Variants in SRRM2 observed in about 807,000 individuals in gnomAD.
The protein encoded by SRRM2 is serine/arginine repetitive matrix 2.
Under a neutral mutation model 213.8 loss-of-function variants are expected in SRRM2, and 30 were observed. The ratio of observed to expected loss-of-function variants is 0.14; its 90% CI spans 0.10 to 0.19. The LOEUF (loss-of-function observed/expected upper bound fraction) is 0.19, where lower values mean the gene tolerates loss of function less well. Ranked by LOEUF, SRRM2 falls within the 10% of genes least tolerant of loss-of-function variation. The pLI is 1.00. For synonymous variants in SRRM2, 2,025 were observed against 1,377.7 expected (o/e 1.47, Z -10.40); for missense variants, 4,904 against 3,647.0 (o/e 1.34, Z -8.88).
In SRRM2 at chr16:2,752,683, T is replaced by C. The variant is rs2240146; in HGVS notation, c.-195T>C. On this transcript the variant is annotated 5_prime_UTR_variant, in exon 1 of 15. Coordinates refer to ENST00000301740, the MANE Select transcript of SRRM2 (RefSeq NM_016333.4). Reference sequence around the variant, plus strand: ...CCAGGCGGGGTGCGAGTGGCGCAGTTGGAGCCCGTTGCGGCCCCTGAGGAA... The same window carrying C: ...CCAGGCGGGGTGCGAGTGGCGCAGTCGGAGCCCGTTGCGGCCCCTGAGGAA... 292,793 of 307,484 alleles carry C rather than the reference T, an allele frequency of 0.95. 140,339 individuals carry two copies. The highest frequency in any genetic ancestry group is 0.99 in the Admixed American group (20,291 of 20,520). The allele number at this position is 307,484 out of a possible 1,614,324, so 19.0% of individuals were successfully genotyped here. A position where few individuals can be genotyped will look rare whatever the true frequency, so the allele number is the denominator to read the frequency against.
Position 2,765,749 on chromosome 16 carries a change from T to C in SRRM2, c.5221T>C (p.Ser1741Pro). The C allele has an allele frequency of 6.2e-7, 1 of 1,613,890 alleles. No homozygotes were observed. Among genetic ancestry groups the C allele is most frequent in the South Asian group, 1.1e-5 (1 of 91,068 alleles). The change falls in exon 11 of 15, where the codon TCT becomes CCT. Residue 1741 changes from serine to proline, a missense_variant. Physicochemically the swap from Ser to Pro is moderately conservative, Grantham distance 74. Coordinates refer to ENST00000301740, the MANE Select transcript of SRRM2 (RefSeq NM_016333.4). ...CCCGGAGCCAGCCGAAAAATCGAGG[T>C]CTTCACGCCGACGGCGCTCAGCTTC... ...SSPEPAEKSR[S>P]SRRRRSASSP...
Position 2,765,755 on chromosome 16 carries a change from C to T in SRRM2, c.5227C>T (p.Arg1743Cys), listed in dbSNP as rs556006940. ...PEPAEKSRSS[R>C]RRRSASSPRT... ...GCCAGCCGAAAAATCGAGGTCTTCACGCCGACGGCGCTCAGCTTCATCTCC... is the reference window on the plus strand; with the variant it reads ...GCCAGCCGAAAAATCGAGGTCTTCATGCCGACGGCGCTCAGCTTCATCTCC... The change falls in exon 11 of 15, where the codon CGC becomes TGC. Residue 1743 changes from arginine to cysteine, a missense_variant. Transcript: ENST00000301740. 5.5e-5 allele frequency: 88 copies of T among 1,614,100 alleles called. No homozygotes were observed. The highest frequency in any genetic ancestry group is 6.8e-5 in the Non-Finnish European group (80 of 1,180,038).
chr16:2,770,136 CTT>C (rs1268325995), intron 12 of SRRM2: 3 of 1,427,802 alleles, frequency 2.1e-6, no homozygotes, highest in South Asian at 3.0e-5. Flanking sequence ...CAGGGACTGT[CTT>C]TATCTTTGCA....
intron 11 of SRRM2, 110 bp from the exon 12 acceptor site, chr16:2,768,887 C>A: frequency 6.4e-7 from 1 of 1,553,028 alleles, no homozygotes; most frequent in Non-Finnish European, 8.7e-7. Flanking sequence ...GGAGAGCTCC[C>A]AGCGCCTTTC....
chr16:2,758,454 T>C lies in SRRM2; in HGVS notation c.516-16T>C. ...TGTTCTACCACCCATCTCTGCTGCTTTTCATTTTTCCCTAGCCTTGTTCGG... is the reference window on the plus strand; with the variant it reads ...TGTTCTACCACCCATCTCTGCTGCTCTTCATTTTTCCCTAGCCTTGTTCGG... On this transcript the variant is annotated splice_polypyrimidine_tract_variant and intron_variant, in intron 4 of 14. Coordinates refer to ENST00000301740, the MANE Select transcript of SRRM2 (RefSeq NM_016333.4). The C allele has an allele frequency of 6.2e-7, 1 of 1,609,854 alleles. No individual in the cohort carries two copies. The highest frequency in any genetic ancestry group is 8.5e-7 in the Non-Finnish European group (1 of 1,176,090).
intron 10 of SRRM2, chr16:2,760,915 G>A (rs977645744): frequency 6.0e-6 from 1 of 167,120 alleles, no homozygotes; most frequent in African/African-American, 2.4e-5. Flanking sequence ...GTAGTCTTCT[G>A]TTCCAATTTT....
At chr16:2,758,055 T>C in intron 4 of SRRM2, 110 bp downstream of exon 4, 1 of 1,385,380 alleles carries the variant, frequency 7.2e-7, no homozygotes, top group Non-Finnish European at 9.8e-7. Context: ...CAGATTTTGT[T>C]CTTCTGAAGT....
chr16:2,768,290 C>T (rs760013426), intron 11 of SRRM2, 29 bp downstream of exon 11: 11 of 1,521,226 alleles, frequency 7.2e-6, no homozygotes, highest in Admixed American at 2.2e-5. Flanking sequence ...TAGAAATCTT[C>T]AGTGGGGGAG....
In SRRM2 at chr16:2,771,266, G is replaced by T. The variant is rs1567253568; in HGVS notation, c.*399G>T. On this transcript the variant is annotated 3_prime_UTR_variant, in exon 15 of 15. Transcript: ENST00000301740. ...GTGTTCTTGGAAGGAAGGGGCAGGA[G>T]TTGGAATTAGTTGGTCCCTACTGTC... 3.9e-6 allele frequency: 3 copies of T among 768,180 alleles called. No individual in the cohort carries two copies. The highest frequency in any genetic ancestry group is 1.7e-5 in the African/African-American group (1 of 57,908). The allele number at this position is 768,180 out of a possible 1,614,324, so 47.6% of individuals were successfully genotyped here. A position where few individuals can be genotyped will look rare whatever the true frequency, so the allele number is the denominator to read the frequency against.
Position 2,756,403 on chromosome 16 carries a change from C to T in SRRM2, c.39C>T (p.Ser13=), listed in dbSNP as rs1484606505. 5.0e-6 allele frequency: 8 copies of T among 1,607,962 alleles called. No homozygotes were observed. The highest frequency in any genetic ancestry group is 2.2e-5 in the East Asian group (1 of 44,598). The change falls in exon 2 of 15, where the codon AGC becomes AGT. Residue 13 remains serine (S), a synonymous_variant. Coordinates refer to ENST00000301740, the MANE Select transcript of SRRM2 (RefSeq NM_016333.4). ...NGIGLPTPRG[S]GTNGYVQRNL... ...TCGGGCTGCCGACGCCCCGGGGCAG[C>T]GGCACCAACGGCTACGTCCAGCGCA...
chr16:2,769,205 T>TCCCCTTCCC lies in SRRM2; in HGVS notation c.7944_7952dup (p.Pro2649_Pro2651dup). The TCCCCTTCCC allele has an allele frequency of 6.2e-7, 1 of 1,604,642 alleles. No homozygotes were observed. Among genetic ancestry groups the TCCCCTTCCC allele is most frequent in the Non-Finnish European group, 8.5e-7 (1 of 1,175,686 alleles). On this transcript the variant is annotated inframe_insertion, in exon 12 of 15. Coordinates refer to ENST00000301740, the MANE Select transcript of SRRM2 (RefSeq NM_016333.4). ...ATCTTCCTCCTCCTCGTCGTCTTCC[T>TCCCCTTCCC]CCCCTTCCCCTGCTAAGCCTGGCCC...
rs759648230 is a variant in SRRM2 at position 2,764,062 on chromosome 16, A to T, written c.3534A>T (p.Ala1178=). The change falls in exon 11 of 15, where the codon GCA becomes GCT. Residue 1178 remains alanine (A), a synonymous_variant. Transcript: ENST00000301740. ...MALPPQEDAT[A]SPPRQKDKFS... Reference sequence around the variant, plus strand: ...TACCCCCTCAGGAGGATGCTACTGCATCACCTCCTAGACAGAAAGACAAAT... The same window carrying T: ...TACCCCCTCAGGAGGATGCTACTGCTTCACCTCCTAGACAGAAAGACAAAT... 3 of 1,614,022 alleles carry T rather than the reference A, an allele frequency of 1.9e-6. No individual in the cohort carries two copies. Among genetic ancestry groups the T allele is most frequent in the Admixed American group, 1.7e-5 (1 of 60,006 alleles).
At chr16:2,759,543 G>C (rs775250079) in intron 8 of SRRM2, 26 bp from the exon 9 acceptor site, 1 of 1,610,172 alleles carries the variant, frequency 6.2e-7, no homozygotes, top group South Asian at 1.1e-5. Flanking sequence ...GCAGTACCCT[G>C]AGCTGTGGTG....
In SRRM2 at chr16:2,758,567, A is replaced by C. The variant is rs962919247; in HGVS notation, c.593+20A>C. On this transcript the variant is annotated intron_variant, in intron 5 of 14. Coordinates refer to ENST00000301740, the MANE Select transcript of SRRM2 (RefSeq NM_016333.4). ...AGGACGGTAAGTTAGTTGGAAAGTG[A>C]CTCTGATAGCCAGAGGACCAATCCT... 6.2e-7 allele frequency: 1 copy of C among 1,606,130 alleles called. No homozygotes were observed. The highest frequency in any genetic ancestry group is 1.3e-5 in the African/African-American group (1 of 74,722).
In SRRM2 at chr16:2,756,464, C is replaced by A. The variant is rs1354583311; in HGVS notation, c.100C>A (p.Pro34Thr). Residue 34 changes from proline (P) to threonine (T), a missense_variant, in exon 2 of 15, where the codon CCT (proline) becomes ACT (threonine). By Grantham distance (38) the Pro-to-Thr change is conservative (BLOSUM62 -1). Transcript: ENST00000301740. ...GGTGCGGGGCCGCCGGGGTGAGCGG[C>A]CTGACTACAAGGGAGAGGAGGAACT... ...SLVRGRRGER[P>T]DYKGEEELRR... 6.2e-7 allele frequency: 1 copy of A among 1,613,560 alleles called. No individual in the cohort carries two copies. The highest frequency in any genetic ancestry group is 1.1e-5 in the South Asian group (1 of 91,076).
At chr16:2,757,746 T>C in intron 3 of SRRM2, 35 bp from the exon 4 acceptor site, 2 of 1,610,516 alleles carry the variant, frequency 1.2e-6, no homozygotes, top group East Asian at 2.2e-5. Flanking sequence ...CTGTCCTTTA[T>C]ATTTCCTTCA....
At position 2,767,310 on chromosome 16, in the gene SRRM2, C is replaced by T. The variant is rs1218784360; in HGVS notation, c.6782C>T (p.Thr2261Met). 9 of 1,613,850 alleles carry T rather than the reference C, an allele frequency of 5.6e-6. No individual in the cohort carries two copies. The highest frequency in any genetic ancestry group is 2.7e-5 in the African/African-American group (2 of 74,932). The stretch of plus-strand genomic sequence containing the variant: ...GCAGTGAACCTGGCTGACTCTCGAA[C>T]GCCAGCTGCAGCAGCGGCCATGAAC... ...PTAVNLADSR[T>M]PAAAAAMNLA... is the part of the protein sequence containing the mutation. The change falls in exon 11 of 15, where the codon ACG becomes ATG. Residue 2261 changes from threonine (T) to methionine (M), a missense_variant. Coordinates refer to ENST00000301740, the MANE Select transcript of SRRM2 (RefSeq NM_016333.4).
rs775133039 is a variant in SRRM2, at chr16:2,752,663, C to T, written c.-215C>T. ...GTGCTGACGTGCAGCGCGGCCCAGG[C>T]GGGGTGCGAGTGGCGCAGTTGGAGC... On this transcript the variant is annotated 5_prime_UTR_variant, in exon 1 of 15. Coordinates refer to ENST00000301740, the MANE Select transcript of SRRM2 (RefSeq NM_016333.4). 4 of 266,408 alleles carry T rather than the reference C, an allele frequency of 1.5e-5. No individual in the cohort carries two copies. Among genetic ancestry groups the T allele is most frequent in the African/African-American group, 4.7e-5 (2 of 42,316 alleles). The allele number at this position is 266,408 out of a possible 1,614,324, so 16.5% of individuals were successfully genotyped here. A position where few individuals can be genotyped will look rare whatever the true frequency, so the allele number is the denominator to read the frequency against.
chr16:2,764,589 A>G lies in SRRM2; in HGVS notation c.4061A>G (p.Asp1354Gly). The G allele has an allele frequency of 1.2e-6, 2 of 1,614,232 alleles. No individual in the cohort carries two copies. The highest frequency in any genetic ancestry group is 1.7e-6 in the Non-Finnish European group (2 of 1,180,044). The change falls in exon 11 of 15, where the codon GAT (aspartate) becomes GGT (glycine). Residue 1354 changes from aspartate to glycine, a missense_variant. Physicochemically the swap from Asp to Gly is moderately conservative, Grantham distance 94. Transcript: ENST00000301740. ...GGATTTTCTTCTGAGGTTAAAGAAGATTTGAATGGACCGTTTCTTAATCAG... is the reference window on the plus strand; with the variant it reads ...GGATTTTCTTCTGAGGTTAAAGAAGGTTTGAATGGACCGTTTCTTAATCAG... ...NTGFSSEVKE[D>G]LNGPFLNQLE...
Sources: gnomAD v4.1 joint callset for allele counts on GRCh38, gnomAD v4.1.1 for gene constraint, MANE v1.5 for transcripts, NCBI Gene and HGNC (gene_info 2026-07-23, HGNC 2026-07-21) for gene names.